The following TMEM35A variants were observed in gnomAD, a reference collection of about 807,000 sequenced individuals.
TMEM35A encodes the protein nicotinic acetylcholine receptor chaperone.
For synonymous variants in TMEM35A, 50 were observed against 54.7 expected (o/e 0.91, Z 0.38); for missense variants, 83 against 132.7 (o/e 0.63, Z 1.84).
chrX:101,094,239 C>T, intron 1 of TMEM35A: 1 of 136,363 alleles, frequency 7.3e-6, no homozygotes. Context: ...CCTCAGACTC[C>T]CAAGTAGCTG....
At chrX:101,082,489 A>G (rs932284127) in intron 1 of TMEM35A, among the ~76,000 whole-genome samples, 3 of 106,674 alleles carry the variant, frequency 2.8e-5, no homozygotes, top group Non-Finnish European at 5.8e-5. Flanking sequence ...ACATTAACTG[A>G]GATTATGTAT....
chrX:101,082,864 C>T (rs929437139), intron 1 of TMEM35A, among the ~76,000 whole-genome samples: 13 of 110,520 alleles, frequency 1.2e-4, no homozygotes, highest in East Asian at 8.5e-4. Context: ...AGTCTGGTTG[C>T]GAACTCCTGA....
intron 1 of TMEM35A, among the ~76,000 whole-genome samples, chrX:101,080,251 A>G (rs1207924634): frequency 9.0e-6 from 1 of 111,429 alleles, no homozygotes; most frequent in East Asian, 2.8e-4. Flanking sequence ...AGCCTCACAC[A>G]TTGCGAGGAA....
At chrX:101,080,205 G>A (rs958110944) in intron 1 of TMEM35A, among the ~76,000 whole-genome samples, 2 of 111,787 alleles carry the variant, frequency 1.8e-5, no homozygotes, top group Non-Finnish European at 3.8e-5. Context: ...AAAGAGAAAA[G>A]AGGCAAGCCC....
intron 1 of TMEM35A, 79 bp from the exon 2 acceptor site, chrX:101,094,494 G>A: frequency 3.9e-6 from 4 of 1,022,150 alleles, no homozygotes; most frequent in Non-Finnish European, 5.3e-6. Flanking sequence ...AAGGGGAGAG[G>A]ACTCTGCTTG....
chrX:101,093,016 T>G (rs1487435671), intron 1 of TMEM35A, among the ~76,000 whole-genome samples: 1 of 112,502 alleles, frequency 8.9e-6, no homozygotes, highest in East Asian at 2.8e-4. Context: ...GACATTTGCA[T>G]ACATTTTTAT....
Position 101,094,724 on chromosome X carries a change from A to G in TMEM35A, c.272A>G (p.Asn91Ser). ...LVPGRPKDVA[N>S]FFLLLLVLAV... ...CCTGGGCGTCCCAAAGATGTGGCCA[A>G]CTTCTTCCTACTGTTGCTGGTGTTG... Residue 91 changes from asparagine to serine, a missense_variant, in exon 2 of 2, where the codon AAC (asparagine) becomes AGC (serine). Transcript: ENST00000372930. 2 of 1,211,356 alleles carry G rather than the reference A, an allele frequency of 1.7e-6. No homozygotes were observed. Among genetic ancestry groups the G allele is most frequent in the Non-Finnish European group, 2.2e-6 (2 of 895,464 alleles).
At chrX:101,085,722 A>C (rs1328333591) in intron 1 of TMEM35A, among the ~76,000 whole-genome samples, 3 of 110,494 alleles carry the variant, frequency 2.7e-5, no homozygotes, top group Non-Finnish European at 5.7e-5. Context: ...AGGTCAAGAG[A>C]TTGAGACCAT....
intron 1 of TMEM35A, among the ~76,000 whole-genome samples, chrX:101,088,347 C>A (rs1409183316): frequency 8.9e-6 from 1 of 112,554 alleles, no homozygotes; most frequent in African/African-American, 3.2e-5. Context: ...CGTGGTGGCT[C>A]ACGCCTGTAA....
chrX:101,089,509 A>G (rs1231736437), intron 1 of TMEM35A, among the ~76,000 whole-genome samples: 1 of 107,843 alleles, frequency 9.3e-6, no homozygotes, highest in African/African-American at 3.4e-5. Context: ...TTGCTCAGAG[A>G]CACCCAACTA....
At chrX:101,080,211 A>G (rs1203751936) in intron 1 of TMEM35A, among the ~76,000 whole-genome samples, 1 of 111,787 alleles carries the variant, frequency 8.9e-6, no homozygotes, top group Non-Finnish European at 1.9e-5. Flanking sequence ...AAAAGAGGCA[A>G]GCCCTTTTAG....
At chrX:101,079,308 G>T (rs769432913) in intron 1 of TMEM35A, among the ~76,000 whole-genome samples, 186 bp downstream of exon 1, 1 of 111,004 alleles carries the variant, frequency 9.0e-6, no homozygotes, top group South Asian at 3.8e-4. Context: ...TGTGGGCTAT[G>T]CTGTTCTGGA....
Position 101,079,176 on chromosome X carries a change from C to G in TMEM35A, c.120+54C>G, listed in dbSNP as rs2089284490. 1.0e-5 allele frequency: 12 copies of G among 1,188,238 alleles called. No individual in the cohort carries two copies. The South Asian group carries it at 2.2e-4, about 22-fold the overall frequency. On this transcript the variant is annotated intron_variant, in intron 1 of 1. Transcript: ENST00000372930. Reference sequence around the variant, plus strand: ...CGCACTCCCATGGGATTGCGAGGACCTCTCCCCTTTTTTCCTTCTCAGTTT... The same window carrying G: ...CGCACTCCCATGGGATTGCGAGGACGTCTCCCCTTTTTTCCTTCTCAGTTT...
At chrX:101,084,059 A>G (rs2089299498) in intron 1 of TMEM35A, among the ~76,000 whole-genome samples, 1 of 108,998 alleles carries the variant, frequency 9.2e-6, no homozygotes, top group Non-Finnish European at 1.9e-5. Flanking sequence ...ATGGTGGCGC[A>G]TGCCTGTAAT....
At chrX:101,090,327 ATTT>A (rs1199957258) in intron 1 of TMEM35A, among the ~76,000 whole-genome samples, 2 of 66,233 alleles carry the variant, frequency 3.0e-5, no homozygotes, top group Non-Finnish European at 3.1e-5. Context: ...TAATTTTTGT[ATTT>A]TTTTTTTTTT....
rs995761831 is a variant in TMEM35A, at chrX:101,095,553, A to G, written c.*597A>G. 3.6e-5 allele frequency: 4 copies of G among 110,278 alleles called. No individual in the cohort carries two copies. Among genetic ancestry groups the G allele is most frequent in the African/African-American group, 9.9e-5 (3 of 30,366 alleles). 9.1% of individuals were successfully genotyped at this position (110,278 alleles called of 1,213,427 possible). A position where few individuals can be genotyped will look rare whatever the true frequency, so the allele number is the denominator to read the frequency against. ...TTTAGGAGAAAAAAAAAAACATTCA[A>G]TTTCGGACACTGAGTTATATATGAA... On this transcript the variant is annotated 3_prime_UTR_variant, in exon 2 of 2. Coordinates refer to ENST00000372930, the MANE Select transcript of TMEM35A (RefSeq NM_021637.3).
chrX:101,089,530 G>A (rs2089317018), intron 1 of TMEM35A, among the ~76,000 whole-genome samples: 1 of 106,415 alleles, frequency 9.4e-6, no homozygotes. Context: ...GAAAGCGGCA[G>A]GATCACTTTG....
chrX:101,081,000 TG>T (rs1227260614), intron 1 of TMEM35A, among the ~76,000 whole-genome samples: 3 of 111,385 alleles, frequency 2.7e-5, no homozygotes, highest in Non-Finnish European at 5.7e-5. Flanking sequence ...CAGCCACAAA[TG>T]GGTTTACAGT....
Position 101,090,169 on chromosome X carries a change from C to CTTTCTTTTTTTTTTTTTTTTTTTTTTT in TMEM35A, c.121-4401_121-4400insCTTTTTTTTTTTTTTTTTTTTTTTTTT, listed in dbSNP as rs1556381270. 2.3e-4 allele frequency among the ~76,000 whole-genome samples: 22 copies of CTTTCTTTTTTTTTTTTTTTTTTTTTTT among 97,513 alleles called. 2 individuals are homozygous for CTTTCTTTTTTTTTTTTTTTTTTTTTTT. The highest frequency in any genetic ancestry group is 8.8e-4 in the African/African-American group (20 of 22,725). 84.7% of individuals were successfully genotyped at this position (97,513 alleles called of 115,157 possible). ...ACTCTGTCTTTCCATTTCTTTCTTT[C>CTTTCTTTTTTTTTTTTTTTTTTTTTTT]TTTTTTTTTTTGAGACAGAGTCTTG... On this transcript the variant is annotated intron_variant, in intron 1 of 1. Coordinates refer to ENST00000372930, the MANE Select transcript of TMEM35A (RefSeq NM_021637.3).
Sources: allele counts gnomAD v4.1 joint callset (sites outside exome capture counted in the v4.1 genomes callset), GRCh38; gene constraint gnomAD v4.1.1; transcripts MANE v1.5; gene names NCBI Gene and HGNC (gene_info 2026-07-23, HGNC 2026-07-21).